GLI3: variants seen among roughly 807,000 people sequenced by gnomAD.
GLI3 encodes GLI family zinc finger 3.
A neutral mutation model predicts 100.8 loss-of-function variants in GLI3; 20 were observed. That is an observed-to-expected ratio of 0.20 (90% CI 0.14 to 0.29). The LOEUF (loss-of-function observed/expected upper bound fraction) is 0.29. GLI3 is among the 10% of genes least tolerant of loss of function. GLI3 has a pLI of 1.00. For synonymous variants in GLI3, 938 were observed against 860.5 expected (o/e 1.09, Z -1.58); for missense variants, 2,040 against 2,128.5 (o/e 0.96, Z 0.82).
At position 41,966,581 on chromosome 7, in the gene GLI3, C is replaced by G; in HGVS notation, c.2492G>C (p.Ser831Thr). ...GGPMTLLPGR[S>T]DLSGVDVTML... Reference sequence around the variant, plus strand: ...AGTGACGTCCACCCCAGAGAGGTCGCTTCTGCCCGGGAGAAGCGTCATGGG... The same window carrying G: ...AGTGACGTCCACCCCAGAGAGGTCGGTTCTGCCCGGGAGAAGCGTCATGGG... The change falls in exon 15 of 15, where the codon AGC (serine) becomes ACC (threonine). Residue 831 changes from serine (S) to threonine (T), a missense_variant. By Grantham distance (58) the Ser-to-Thr change is moderately conservative. Coordinates refer to ENST00000395925, the MANE Select transcript of GLI3 (RefSeq NM_000168.6). The surrounding 1 kb of genome is among the most constrained non-coding windows in gnomAD (Gnocchi z 5.8). The G allele has an allele frequency of 6.2e-7, 1 of 1,614,118 alleles. No homozygotes were observed. Among genetic ancestry groups the G allele is most frequent in the Non-Finnish European group, 8.5e-7 (1 of 1,180,018 alleles).
chr7:42,036,630 T>A (rs1448304110), intron 7 of GLI3, among the ~76,000 whole-genome samples: 1 of 152,220 alleles, frequency 6.6e-6, no homozygotes, highest in Non-Finnish European at 1.5e-5. Context: ...TGAATGAGTA[T>A]CTTTAAACAT....
intron 10 of GLI3, among the ~76,000 whole-genome samples, chr7:41,986,107 T>C (rs547563598): frequency 6.6e-6 from 1 of 152,308 alleles, no homozygotes; most frequent in South Asian, 2.1e-4. Context: ...AGACTTTGGG[T>C]ACAAACCAGC....
chr7:42,133,588 CTCTGCATAATAGAGTT>C (rs1296681667), intron 3 of GLI3, among the ~76,000 whole-genome samples: 1 of 150,104 alleles, frequency 6.7e-6, no homozygotes, highest in African/African-American at 2.5e-5. Context: ...TCCTATCAAG[CTCTGCATAATAGAGTT>C]TCTAATTAGA....
At chr7:42,101,068 T>C (rs1343829906) in intron 3 of GLI3, among the ~76,000 whole-genome samples, 1 of 152,192 alleles carries the variant, frequency 6.6e-6, no homozygotes, top group Admixed American at 6.5e-5. Flanking sequence ...GGCCGCCCTA[T>C]ACCAGTGACT....
intron 3 of GLI3, among the ~76,000 whole-genome samples, chr7:42,093,898 C>T (rs1188755417): frequency 6.6e-6 from 1 of 152,078 alleles, no homozygotes; most frequent in Non-Finnish European, 1.5e-5. Context: ...AAGGGCCACA[C>T]TCCCCAAATA....
chr7:41,989,140 T>C (rs1486421451), intron 10 of GLI3, among the ~76,000 whole-genome samples: 1 of 152,184 alleles, frequency 6.6e-6, no homozygotes, highest in Non-Finnish European at 1.5e-5. Flanking sequence ...ATTAGGGGCT[T>C]AATTACCAAA....
chr7:42,175,084 C>T (rs1787451956), intron 2 of GLI3, among the ~76,000 whole-genome samples: 1 of 150,234 alleles, frequency 6.7e-6, no homozygotes, highest in Admixed American at 6.6e-5. Flanking sequence ...CCATTAAATT[C>T]CCAGAGAGAC....
chr7:42,223,518 C>T (rs969551622), intron 1 of GLI3, among the ~76,000 whole-genome samples: 2 of 152,066 alleles, frequency 1.3e-5, no homozygotes, highest in Non-Finnish European at 2.9e-5. Context: ...GGGAAATGCC[C>T]ATAACATGGT....
intron 3 of GLI3, among the ~76,000 whole-genome samples, chr7:42,133,606 C>A (rs1786347993): frequency 6.9e-6 from 1 of 144,612 alleles, no homozygotes. Flanking sequence ...AATAGAGTTT[C>A]TAATTAGAAT....
At chr7:42,010,838 G>GT (rs1221261242) in intron 10 of GLI3, among the ~76,000 whole-genome samples, 1 of 152,130 alleles carries the variant, frequency 6.6e-6, no homozygotes, top group Non-Finnish European at 1.5e-5. Flanking sequence ...CCTTCAATAT[G>GT]TTTTTTAGCC....
chr7:42,067,126 T>C (rs952622317), intron 4 of GLI3, among the ~76,000 whole-genome samples: 1 of 152,212 alleles, frequency 6.6e-6, no homozygotes, highest in African/African-American at 2.4e-5. Context: ...ATAACTCTAA[T>C]ATTAATTTGT....
At chr7:42,067,463 C>T (rs1287725906) in intron 4 of GLI3, among the ~76,000 whole-genome samples, 1 of 152,176 alleles carries the variant, frequency 6.6e-6, no homozygotes, top group Non-Finnish European at 1.5e-5. Context: ...GCTTCCCTCT[C>T]CCCACTCCCC....
At chr7:42,038,386 C>T (rs879558454) in intron 7 of GLI3, among the ~76,000 whole-genome samples, 1 of 152,326 alleles carries the variant, frequency 6.6e-6, no homozygotes, top group Non-Finnish European at 1.5e-5. Flanking sequence ...CAGATCCACA[C>T]CAGCTTTAGT....
At position 42,171,329 on chromosome 7, in the gene GLI3, T is replaced by C. The variant is rs139701901; in HGVS notation, c.125-22861A>G. 2.5e-3 allele frequency among the ~76,000 whole-genome samples: 378 copies of C among 152,310 alleles called. 2 individuals are homozygous for C. Among genetic ancestry groups the C allele is most frequent in the African/African-American group, 8.4e-3 (348 of 41,562 alleles). ...AGGATTTTTTAAAAAACTTTTCCTATGAAGAGAACTAAGGAGATAATAGGC... is the reference window on the plus strand; with the variant it reads ...AGGATTTTTTAAAAAACTTTTCCTACGAAGAGAACTAAGGAGATAATAGGC... On this transcript the variant is annotated intron_variant, in intron 2 of 14. Transcript: ENST00000395925.
chr7:42,066,439 C>G (rs7798596), intron 4 of GLI3, among the ~76,000 whole-genome samples: 1 of 152,098 alleles, frequency 6.6e-6, no homozygotes, highest in African/African-American at 2.4e-5. Context: ...AAAGTCCAGT[C>G]TGTCTGGGTT....
intron 2 of GLI3, among the ~76,000 whole-genome samples, chr7:42,199,581 C>G (rs1172656877): frequency 6.6e-6 from 1 of 152,106 alleles, no homozygotes; most frequent in Non-Finnish European, 1.5e-5. Context: ...AGAAGGTGAA[C>G]AAAAGACTGT....
chr7:42,221,540 ACACT>A (rs1465586486), intron 2 of GLI3, among the ~76,000 whole-genome samples: 4 of 151,998 alleles, frequency 2.6e-5, no homozygotes, highest in African/African-American at 9.7e-5. Context: ...ATATCCTCAC[ACACT>A]CACACTCACT....
At chr7:42,086,259 T>C (rs912618881) in intron 3 of GLI3, among the ~76,000 whole-genome samples, 13 of 152,166 alleles carry the variant, frequency 8.5e-5, no homozygotes, top group South Asian at 2.1e-4. Flanking sequence ...CCCATTCTTA[T>C]GGATGGGGAA....
At chr7:42,135,241 A>T (rs846377) in intron 3 of GLI3, among the ~76,000 whole-genome samples, 1 of 152,232 alleles carries the variant, frequency 6.6e-6, no homozygotes, top group African/African-American at 2.4e-5. Context: ...CAGTAAAAAA[A>T]TCTAAAAATT....
Sources: gnomAD v4.1 joint callset for allele counts (sites outside exome capture counted in the v4.1 genomes callset) on GRCh38, gnomAD v4.1.1 for gene constraint, Gnocchi (gnomAD v3.1) non-coding constraint, MANE v1.5 for transcripts, NCBI Gene and HGNC (gene_info 2026-07-23, HGNC 2026-07-21) for gene names.